SPTA1: variants seen among roughly 807,000 people sequenced by gnomAD.
SPTA1 encodes the protein spectrin alpha chain, erythrocytic 1.
A neutral mutation model predicts 324.7 loss-of-function variants in SPTA1; 177 were observed. The observed-to-expected ratio is 0.55, with a 90% CI of 0.48 to 0.62. The LOEUF is 0.62. Among genes scored for constraint, SPTA1 ranks in the 20% least tolerant of loss-of-function variants. The probability of loss-of-function intolerance (pLI) is 0.00; values close to 1 mark genes in which losing one functional copy is unlikely to be tolerated. For synonymous variants in SPTA1, 1,195 were observed against 1,041.3 expected (o/e 1.15, Z -2.84); for missense variants, 3,162 against 2,883.6 (o/e 1.10, Z -2.21).
chr1:158,617,516 T>TAA (rs1649629955), intron 47 of SPTA1, 21 bp downstream of exon 47: 4 of 1,608,082 alleles, frequency 2.5e-6, no homozygotes, highest in Non-Finnish European at 3.4e-6. Context: ...TATCTTCAGT[T>TAA]AATGAAAAAA....
intron 35 of SPTA1, among the ~76,000 whole-genome samples, chr1:158,638,823 T>C (rs890378533): frequency 2.6e-5 from 4 of 151,890 alleles, no homozygotes; most frequent in Non-Finnish European, 5.9e-5. Context: ...ATACTGACTT[T>C]GATAGCCACA....
rs200829664 is a variant in SPTA1 at position 158,669,538 on chromosome 1, C to T, written c.1703G>A (p.Arg568His). 2,988 of 1,614,096 alleles carry T rather than the reference C, an allele frequency of 1.9e-3. 9 individuals carry two copies. The highest frequency in any genetic ancestry group is 2.3e-3 in the Non-Finnish European group (2,760 of 1,180,000). ...TCTACGTCTAGTGGCAGCCTTTTCA[C>T]GTAGGGCATCCCGCCGGGCTAACAG... is the stretch of plus-strand genomic sequence containing the variant. ...DGLLARRDALREKAATRRRLL... is the reference protein window; with the variant it reads ...DGLLARRDALHEKAATRRRLL... The change falls in exon 14 of 52, where the codon CGT becomes CAT. Residue 568 changes from arginine to histidine, a missense_variant. By Grantham distance (29) the Arg-to-His change is conservative (BLOSUM62 0). Transcript: ENST00000643759.
At chr1:158,619,094 A>G (rs1015508795) in intron 45 of SPTA1, 128 bp downstream of exon 45, 2 of 911,128 alleles carry the variant, frequency 2.2e-6, no homozygotes, top group Non-Finnish European at 3.6e-6. Flanking sequence ...AGCATAGGCA[A>G]GATATGGGGA....
intron 5 of SPTA1, among the ~76,000 whole-genome samples, chr1:158,679,318 T>C (rs1399015951): frequency 6.6e-6 from 1 of 152,170 alleles, no homozygotes; most frequent in Non-Finnish European, 1.5e-5. Context: ...TTATTCTTTC[T>C]ATGATAGATT....
At chr1:158,646,182 A>G (rs781109698) in intron 27 of SPTA1, among the ~76,000 whole-genome samples, 228 of 152,290 alleles carry the variant, frequency 1.5e-3, no homozygotes, top group Non-Finnish European at 7.2e-4. Context: ...CCCTTTTAGT[A>G]GTCAGGAAGT....
In SPTA1 at chr1:158,654,619, T is replaced by C. The variant is rs756596295; in HGVS notation, c.3028A>G (p.Ile1010Val). 18 of 1,613,700 alleles carry C rather than the reference T, an allele frequency of 1.1e-5. No individual in the cohort carries two copies. The highest frequency in any genetic ancestry group is 5.9e-6 in the Non-Finnish European group (7 of 1,179,978). The change falls in exon 21 of 52, where the codon ATC (isoleucine) becomes GTC (valine). Residue 1010 changes from isoleucine to valine, a missense_variant. Ile to Val is a conservative substitution (Grantham distance 29). Transcript: ENST00000643759. ...KGDVLTLLSSINKDWWKVEAA... is the reference protein window; with the variant it reads ...KGDVLTLLSSVNKDWWKVEAA... ...TTAGAAGGAAAAGTCACCTTATTGA[T>C]GGAACTGAGCAGCGTTAAGACATCA...
At chr1:158,684,843 G>T (rs1557998772) in intron 2 of SPTA1, among the ~76,000 whole-genome samples, 1 of 152,078 alleles carries the variant, frequency 6.6e-6, no homozygotes, top group Non-Finnish European at 1.5e-5. Context: ...AAACAGTTCT[G>T]TGCTTTCAAC....
Position 158,628,487 on chromosome 1 carries a change from C to A in SPTA1, c.5566-764G>T, listed in dbSNP as rs114701889. 8.5e-3 allele frequency among the ~76,000 whole-genome samples: 1,291 copies of A among 152,212 alleles called. 14 individuals are homozygous for A. The highest frequency in any genetic ancestry group is 0.03 in the African/African-American group (1,230 of 41,542). ...AAAATCCCTATTGAAAATAAAAGGACTTTCAGTTCATGGTGTTGAGGCACT... is the reference window on the plus strand; with the variant it reads ...AAAATCCCTATTGAAAATAAAAGGAATTTCAGTTCATGGTGTTGAGGCACT... On this transcript the variant is annotated intron_variant, in intron 39 of 51. Coordinates refer to ENST00000643759, the MANE Select transcript of SPTA1 (RefSeq NM_003126.4).
chr1:158,639,510 C>T (rs17635857), intron 35 of SPTA1, 72 bp downstream of exon 35: 10 of 1,500,552 alleles, frequency 6.7e-6, no homozygotes, highest in Middle Eastern at 1.8e-4. Flanking sequence ...AAATGGTCTC[C>T]TAACATGGGA....
intron 48 of SPTA1, 160 bp downstream of exon 48, chr1:158,615,056 A>G (rs1034546473): frequency 5.2e-6 from 4 of 762,282 alleles, no homozygotes; most frequent in African/African-American, 5.2e-5. Context: ...GGATTTCAGT[A>G]TAAAGAGAAA....
At position 158,678,544 on chromosome 1, in the gene SPTA1, G is replaced by C; in HGVS notation, c.679-10C>G. 1 of 1,612,876 alleles carries C rather than the reference G, an allele frequency of 6.2e-7. No individual in the cohort carries two copies. The highest frequency in any genetic ancestry group is 8.5e-7 in the Non-Finnish European group (1 of 1,179,412). ...GGTCAGGATGGTTTTCCTGTTGAAGGAAAACAACACTGGAGTTATACAGAG... is the reference window on the plus strand; with the variant it reads ...GGTCAGGATGGTTTTCCTGTTGAAGCAAAACAACACTGGAGTTATACAGAG... On this transcript the variant is annotated splice_polypyrimidine_tract_variant and intron_variant, in intron 5 of 51. Transcript: ENST00000643759.
chr1:158,676,424 C>T, intron 7 of SPTA1, 129 bp from the exon 8 acceptor site: 1 of 958,280 alleles, frequency 1.0e-6, no homozygotes, highest in Non-Finnish European at 1.6e-6. Flanking sequence ...GAATAGATTT[C>T]TATTAATATA....
chr1:158,677,901 G>A (rs917418618), intron 6 of SPTA1, 67 bp from the exon 7 acceptor site: 2 of 1,601,620 alleles, frequency 1.2e-6, no homozygotes, highest in African/African-American at 2.7e-5. Flanking sequence ...CGGTCCAACA[G>A]AACTCACAGC....
intron 6 of SPTA1, among the ~76,000 whole-genome samples, 161 bp downstream of exon 6, chr1:158,678,240 C>A (rs762376724): frequency 6.6e-6 from 1 of 152,182 alleles, no homozygotes; most frequent in Non-Finnish European, 1.5e-5. Context: ...TCACAGATTT[C>A]TTTACCTTCT....
intron 48 of SPTA1, 110 bp from the exon 49 acceptor site, chr1:158,614,416 G>C: frequency 1.2e-6 from 1 of 808,694 alleles, no homozygotes. Flanking sequence ...TGCTATTTGA[G>C]TCATCTAGTT....
Position 158,620,191 on chromosome 1 carries a change from C to T in SPTA1, c.6396G>A (p.Lys2132=). 3.1e-6 allele frequency: 5 copies of T among 1,614,120 alleles called. No individual in the cohort carries two copies. Among genetic ancestry groups the T allele is most frequent in the Non-Finnish European group, 3.4e-6 (4 of 1,180,030 alleles). Residue 2132 remains lysine (K), a synonymous_variant, in exon 44 of 52, where the codon AAG becomes AAA. Coordinates refer to ENST00000643759, the MANE Select transcript of SPTA1 (RefSeq NM_003126.4). ...TTACCTCAATGATGTCAGATAGGTGCTTCCAGGTCCTTTCCAGCACCTCCA... is the reference window on the plus strand; with the variant it reads ...TTACCTCAATGATGTCAGATAGGTGTTTCCAGGTCCTTTCCAGCACCTCCA... ...LTVEVLERTW[K]HLSDIIEERE...
intron 3 of SPTA1, among the ~76,000 whole-genome samples, chr1:158,682,787 G>A (rs949858430): frequency 1.3e-5 from 2 of 152,146 alleles, no homozygotes; most frequent in African/African-American, 2.4e-5. Context: ...ATAGATTACA[G>A]AGTATGAATC....
chr1:158,683,335 A>G, intron 3 of SPTA1, 36 bp downstream of exon 3: 1 of 1,612,566 alleles, frequency 6.2e-7, no homozygotes, highest in Non-Finnish European at 8.5e-7. Flanking sequence ...AACATAATCA[A>G]TAATTGGAAA....
intron 47 of SPTA1, among the ~76,000 whole-genome samples, chr1:158,615,860 A>G (rs1649525258): frequency 6.6e-6 from 1 of 152,186 alleles, no homozygotes; most frequent in African/African-American, 2.4e-5. Context: ...TCTCAGGCTC[A>G]CTTAAGCTCC....
Sources: allele counts gnomAD v4.1 joint callset (sites outside exome capture counted in the v4.1 genomes callset), GRCh38; gene constraint gnomAD v4.1.1; transcripts MANE v1.5; gene names NCBI Gene and HGNC (gene_info 2026-07-23, HGNC 2026-07-21).